Variants in TNIP3 observed in about 807,000 individuals in gnomAD.
The protein encoded by TNIP3 is TNFAIP3-interacting protein 3.
In TNIP3, 34 loss-of-function variants were observed where a neutral mutation model predicts 54.1. The observed-to-expected ratio is 0.63, with a 90% CI of 0.48 to 0.84. TNIP3 has a LOEUF of 0.84. TNIP3 is among the 40% of genes least tolerant of loss of function. The pLI is 0.00. For synonymous variants in TNIP3, 134 were observed against 136.8 expected (o/e 0.98, Z 0.14); for missense variants, 366 against 387.6 (o/e 0.94, Z 0.47).
chr4:121,153,272 C>T (rs1262162616), intron 5 of TNIP3, among the ~76,000 whole-genome samples: 1 of 152,054 alleles, frequency 6.6e-6, no homozygotes, highest in Non-Finnish European at 1.5e-5. Context: ...AATATGGATA[C>T]ACAAACATGA....
At chr4:121,140,781 G>T (rs781781025) in intron 9 of TNIP3, among the ~76,000 whole-genome samples, 2 of 152,100 alleles carry the variant, frequency 1.3e-5, no homozygotes, top group Non-Finnish European at 2.9e-5. Context: ...AAAGGAAAAG[G>T]GGGAGGGAGA....
At chr4:121,223,048 G>A (rs193091251) in intron 1 of TNIP3, among the ~76,000 whole-genome samples, 1 of 152,108 alleles carries the variant, frequency 6.6e-6, no homozygotes, top group African/African-American at 2.4e-5. Flanking sequence ...CTCGTGATCC[G>A]CCCGCCTCGG....
intron 2 of TNIP3, among the ~76,000 whole-genome samples, chr4:121,200,452 C>T (rs1236215413): frequency 1.3e-5 from 2 of 152,088 alleles, no homozygotes; most frequent in East Asian, 3.9e-4. Flanking sequence ...CACTTCTGAG[C>T]AACGTTTTTC....
At chr4:121,216,325 C>A in intron 2 of TNIP3, 2 of 1,145,488 alleles carry the variant, frequency 1.7e-6, no homozygotes, top group South Asian at 1.4e-5. Flanking sequence ...CTCTTCTACT[C>A]TTAATACACT....
chr4:121,151,168 A>G (rs1729726943), intron 5 of TNIP3, among the ~76,000 whole-genome samples: 1 of 152,200 alleles, frequency 6.6e-6, no homozygotes, highest in African/African-American at 2.4e-5. Flanking sequence ...CTCAGAGACC[A>G]TAAAATGACT....
At chr4:121,171,723 T>C (rs903204516) in intron 3 of TNIP3, among the ~76,000 whole-genome samples, 13 of 152,036 alleles carry the variant, frequency 8.6e-5, no homozygotes, top group African/African-American at 3.1e-4. Flanking sequence ...ACTCCCCTAC[T>C]TTTTGTTTTG....
At chr4:121,184,062 T>A (rs1320308803) in intron 2 of TNIP3, among the ~76,000 whole-genome samples, 1 of 152,126 alleles carries the variant, frequency 6.6e-6, no homozygotes, top group Non-Finnish European at 1.5e-5. Flanking sequence ...TATATGATGT[T>A]GGCATAATGG....
intron 2 of TNIP3, among the ~76,000 whole-genome samples, chr4:121,191,078 T>C (rs1262213690): frequency 6.6e-6 from 1 of 152,196 alleles, no homozygotes; most frequent in African/African-American, 2.4e-5. Flanking sequence ...CTTGTTTTTG[T>C]TGTTTTTGTT....
chr4:121,150,059 G>A (rs1180332434), intron 6 of TNIP3, 44 bp downstream of exon 6: 2 of 1,214,500 alleles, frequency 1.6e-6, no homozygotes, highest in South Asian at 1.3e-5. Context: ...ATGAAAAATG[G>A]GCAGTATGTT....
chr4:121,180,917 A>G (rs1724655850), intron 3 of TNIP3, among the ~76,000 whole-genome samples: 1 of 152,168 alleles, frequency 6.6e-6, no homozygotes, highest in Non-Finnish European at 1.5e-5. Context: ...GTCTCTGTAG[A>G]TGTCTTTACC....
chr4:121,159,704 T>C (rs1406647608), intron 2 of TNIP3, among the ~76,000 whole-genome samples: 1 of 152,272 alleles, frequency 6.6e-6, no homozygotes, highest in Non-Finnish European at 1.5e-5. Context: ...GGACAATATT[T>C]AGATGCATTT....
intron 1 of TNIP3, among the ~76,000 whole-genome samples, chr4:121,224,315 ATTGTG>A (rs1727166567): frequency 6.6e-6 from 1 of 152,008 alleles, no homozygotes; most frequent in Non-Finnish European, 1.5e-5. Context: ...GTGAGCAGAG[ATTGTG>A]CTACTGCACT....
chr4:121,185,595 A>C (rs1724972275), intron 2 of TNIP3, among the ~76,000 whole-genome samples: 1 of 152,230 alleles, frequency 6.6e-6, no homozygotes, highest in Non-Finnish European at 1.5e-5. Flanking sequence ...TTATTGAATA[A>C]ATATGACTCC....
chr4:121,148,084 T>G (rs1312764967), intron 6 of TNIP3, among the ~76,000 whole-genome samples: 1 of 152,182 alleles, frequency 6.6e-6, no homozygotes, highest in Non-Finnish European at 1.5e-5. Flanking sequence ...CCAGAGACAG[T>G]TAAACTGATG....
upstream of TNIP3, among the ~76,000 whole-genome samples, chr4:121,165,252 T>C (rs990224329): frequency 1.3e-5 from 2 of 151,740 alleles, no homozygotes; most frequent in Non-Finnish European, 2.9e-5. Flanking sequence ...TTCTCCTGAA[T>C]ATCTCCCCCT....
intron 2 of TNIP3, among the ~76,000 whole-genome samples, chr4:121,196,392 G>GT (rs1188258543): frequency 3.3e-5 from 5 of 152,020 alleles, no homozygotes; most frequent in East Asian, 1.9e-4. Flanking sequence ...ACAAGTATAG[G>GT]TTTTTTTTAA....
At chr4:121,182,783 C>T (rs1326155487) in exon 3 of TNIP3, 32 of 1,533,926 alleles carry the variant, frequency 2.1e-5, no homozygotes, top group Non-Finnish European at 2.5e-5. Flanking sequence ...TTGTCCAGCT[C>T]CATGCTTTCA....
intron 3 of TNIP3, among the ~76,000 whole-genome samples, chr4:121,170,240 A>T (rs1730992996): frequency 6.6e-6 from 1 of 152,226 alleles, no homozygotes; most frequent in South Asian, 2.1e-4. Flanking sequence ...GTCGATATTT[A>T]TCACTTTAGC....
intron 2 of TNIP3, among the ~76,000 whole-genome samples, chr4:121,199,496 G>C (rs1446762980): frequency 6.6e-6 from 1 of 152,132 alleles, no homozygotes; most frequent in African/African-American, 2.4e-5. Context: ...TATGAGCAGG[G>C]ATCGATGAAT....
Sources: gnomAD v4.1 joint callset for allele counts (sites outside exome capture counted in the v4.1 genomes callset) on GRCh38, gnomAD v4.1.1 for gene constraint, MANE v1.5 for transcripts, NCBI Gene and HGNC (gene_info 2026-07-23, HGNC 2026-07-21) for gene names.